DERL1: variants seen among roughly 807,000 people sequenced by gnomAD.
DERL1 encodes the protein derlin 1.
Under a neutral mutation model 41.6 loss-of-function variants are expected in DERL1, and 24 were observed. The observed-to-expected ratio is 0.58, with a 90% CI of 0.42 to 0.81. DERL1 has a LOEUF of 0.81. Among genes scored for constraint, DERL1 ranks in the 30% least tolerant of loss-of-function variants. The pLI is 0.00. For missense variants in DERL1, 260 were observed against 314.3 expected, an observed-to-expected ratio of 0.83 and a Z score of 1.31; for synonymous variants, 124 against 112.5, an observed-to-expected ratio of 1.10 and a Z score of -0.65.
chr8:123,019,097 G>C (rs1054922924), intron 7 of DERL1, 98 bp downstream of exon 7: 1 of 818,730 alleles, frequency 1.2e-6, no homozygotes, highest in African/African-American at 1.7e-5. Context: ...CAGCAGATGG[G>C]GCATAGGGGT....
At chr8:123,026,300 C>A (rs1016180045) in intron 2 of DERL1, among the ~76,000 whole-genome samples, 1 of 152,178 alleles carries the variant, frequency 6.6e-6, no homozygotes, top group Non-Finnish European at 1.5e-5. Context: ...TTAATAATAG[C>A]TGTGCTTCTT....
Position 123,015,148 on chromosome 8 carries a change from C to T in DERL1, c.*299G>A, listed in dbSNP as rs377715240. ...AGCTCAATGCCAGCAGACTAGGACCCGCTAAAACCCATTATTCAGACGGAA... is the reference window on the plus strand; with the variant it reads ...AGCTCAATGCCAGCAGACTAGGACCTGCTAAAACCCATTATTCAGACGGAA... On this transcript the variant is annotated 3_prime_UTR_variant, in exon 8 of 8. Transcript: ENST00000259512. 6.1e-5 allele frequency: 15 copies of T among 246,514 alleles called. No individual in the cohort carries two copies. The South Asian group carries it at 1.4e-3, about 23-fold the overall frequency. The allele number at this position is 246,514 out of a possible 1,614,324, so 15.3% of individuals were successfully genotyped here.
chr8:123,037,822 A>T (rs1812960246), intron 1 of DERL1, among the ~76,000 whole-genome samples: 1 of 152,210 alleles, frequency 6.6e-6, no homozygotes, highest in Non-Finnish European at 1.5e-5. Flanking sequence ...GGGAAGTTGT[A>T]ACAGGGTGAT....
chr8:123,038,516 T>C (rs891472639), intron 1 of DERL1, among the ~76,000 whole-genome samples: 24 of 152,322 alleles, frequency 1.6e-4, no homozygotes, highest in Middle Eastern at 3.4e-3. Flanking sequence ...ATGACAAAAT[T>C]GTGGAAGATG....
intron 2 of DERL1, among the ~76,000 whole-genome samples, chr8:123,028,512 C>T: frequency 6.6e-6 from 1 of 151,998 alleles, no homozygotes; most frequent in Non-Finnish European, 1.5e-5. Context: ...TGAAACTGTT[C>T]TGGAATTAGA....
chr8:123,020,332 T>C (rs1814728020), intron 6 of DERL1, among the ~76,000 whole-genome samples: 1 of 151,324 alleles, frequency 6.6e-6, no homozygotes, highest in Admixed American at 6.6e-5. Context: ...ATACAAAAAT[T>C]AGCTGGGTGT....
chr8:123,040,492 G>C (rs1813027276), intron 1 of DERL1, among the ~76,000 whole-genome samples: 1 of 152,214 alleles, frequency 6.6e-6, no homozygotes, highest in Admixed American at 6.5e-5. Context: ...AAGTTGGAGA[G>C]TAGTAGGAGA....
intron 3 of DERL1, among the ~76,000 whole-genome samples, 199 bp from the exon 4 acceptor site, chr8:123,023,938 C>A (rs1395526149): frequency 1.3e-5 from 2 of 152,146 alleles, no homozygotes; most frequent in Non-Finnish European, 2.9e-5. Flanking sequence ...GGCAACATAG[C>A]AAGACCCCAT....
chr8:123,018,440 C>T (rs547836870), intron 7 of DERL1: 2 of 152,220 alleles, frequency 1.3e-5, no homozygotes, highest in African/African-American at 4.8e-5. Flanking sequence ...ACCGAGAACC[C>T]GCTACTGTGC....
chr8:123,031,413 C>T (rs1563633779), intron 1 of DERL1, among the ~76,000 whole-genome samples: 3 of 151,980 alleles, frequency 2.0e-5, no homozygotes, highest in African/African-American at 2.4e-5. Context: ...GGTGAGGTGG[C>T]GGGGGCCTGT....
chr8:123,032,131 T>C (rs1352205716), intron 1 of DERL1, among the ~76,000 whole-genome samples: 1 of 145,124 alleles, frequency 6.9e-6, no homozygotes, highest in African/African-American at 2.6e-5. Flanking sequence ...TTTTCTGGAT[T>C]TACATTTTTT....
In DERL1 at chr8:123,015,430, T is replaced by C; in HGVS notation, c.*17A>G. 6.2e-7 allele frequency: 1 copy of C among 1,610,348 alleles called. No homozygotes were observed. Among genetic ancestry groups the C allele is most frequent in the Non-Finnish European group, 8.5e-7 (1 of 1,178,254 alleles). On this transcript the variant is annotated 3_prime_UTR_variant, in exon 8 of 8. Coordinates refer to ENST00000259512, the MANE Select transcript of DERL1 (RefSeq NM_024295.6). ...GGAAATGTGGCTTGAGAGGAGCGGC[T>C]GCCCGAGGCCGCCCCTTCACTGGTC... is the stretch of plus-strand genomic sequence containing the variant.
rs777720828 is a variant in DERL1, at chr8:123,022,779, A to G, written c.358T>C (p.Leu120=). The G allele has an allele frequency of 1.9e-6, 3 of 1,613,950 alleles. No homozygotes were observed. Among genetic ancestry groups the G allele is most frequent in the South Asian group, 2.2e-5 (2 of 91,082 alleles). ...VITGLAMDMQ[L]LMIPLIMSVL... ...GACATGATCAGAGGAATCATCAGCA[A>G]CTGCAAAAGAAGTCGACATGTAAAA... Residue 120 remains leucine (L), a splice_region_variant and synonymous_variant, in exon 5 of 8, where the codon TTG becomes CTG. Coordinates refer to ENST00000259512, the MANE Select transcript of DERL1 (RefSeq NM_024295.6).
chr8:123,030,877 C>A, intron 1 of DERL1, 161 bp from the exon 2 acceptor site: 1 of 604,144 alleles, frequency 1.7e-6, no homozygotes, highest in South Asian at 2.1e-5. Context: ...AGTGTTCACA[C>A]CAAATACAAT....
At chr8:123,015,948 T>C (rs549207416) in intron 7 of DERL1, 34 of 165,210 alleles carry the variant, frequency 2.1e-4, no homozygotes, top group Non-Finnish European at 3.6e-4. Context: ...TATCTAAATA[T>C]GGCTCAAACT....
rs1181544454 is a variant in DERL1, at chr8:123,014,348, T to C, written c.*1099A>G. On this transcript the variant is annotated 3_prime_UTR_variant, in exon 8 of 8. Coordinates refer to ENST00000259512, the MANE Select transcript of DERL1 (RefSeq NM_024295.6). ...TGTTATTCCCTTAGATGTGCTTACA[T>C]TAGCTTTAAAAAATGATCTACGTGC... 1.3e-5 allele frequency: 2 copies of C among 152,682 alleles called. No individual in the cohort carries two copies. Among genetic ancestry groups the C allele is most frequent in the Admixed American group, 1.3e-4 (2 of 15,278 alleles). The allele number at this position is 152,682 out of a possible 1,614,324, so 9.5% of individuals were successfully genotyped here.
Position 123,041,849 on chromosome 8 carries a change from G to A in DERL1, c.153+121C>T. 4 of 1,362,308 alleles carry A rather than the reference G, an allele frequency of 2.9e-6. No homozygotes were observed. The South Asian group carries it at 6.1e-5, about 21-fold the overall frequency. 84.4% of individuals were successfully genotyped at this position (1,362,308 alleles called of 1,614,324 possible). A position where few individuals can be genotyped will look rare whatever the true frequency, so the allele number is the denominator to read the frequency against. ...CAAAGGACCCCGCCCTAAACCGCCG[G>A]CGCCGGACCCACTACAAATCCCAGC... On this transcript the variant is annotated intron_variant, in intron 1 of 7. Coordinates refer to ENST00000259512, the MANE Select transcript of DERL1 (RefSeq NM_024295.6).
chr8:123,021,626 C>A lies in DERL1; in HGVS notation c.454-127G>T, dbSNP rs1218801539. 7 of 811,614 alleles carry A rather than the reference C, an allele frequency of 8.6e-6. No individual in the cohort carries two copies. In the Admixed American group the frequency reaches 1.6e-4, roughly 18 times the overall value. 50.3% of individuals were successfully genotyped at this position (811,614 alleles called of 1,614,324 possible). A position where few individuals can be genotyped will look rare whatever the true frequency, so the allele number is the denominator to read the frequency against. ...ATATAAATCCTCTGGAAGGTCACTG[C>A]AAAATTTCTAGGATCAATCTAGCAT... On this transcript the variant is annotated intron_variant, in intron 5 of 7. Transcript: ENST00000259512.
At chr8:123,016,668 A>C (rs1487128173) in intron 7 of DERL1, 1 of 152,164 alleles carries the variant, frequency 6.6e-6, no homozygotes, top group Admixed American at 6.5e-5. Flanking sequence ...AGCGCTTCGA[A>C]AGTGACAGGA....
Sources: gnomAD v4.1 joint callset for allele counts (sites outside exome capture counted in the v4.1 genomes callset) on GRCh38, gnomAD v4.1.1 for gene constraint, MANE v1.5 for transcripts, NCBI Gene and HGNC (gene_info 2026-07-23, HGNC 2026-07-21) for gene names.